The following PTPRN2 variants were observed in gnomAD, a reference collection of about 807,000 sequenced individuals.
PTPRN2 encodes protein tyrosine phosphatase receptor type N2.
Under a neutral mutation model 118.8 loss-of-function variants are expected in PTPRN2, and 74 were observed. That is an observed-to-expected ratio of 0.62 (90% CI 0.52 to 0.76). The LOEUF is 0.76. PTPRN2 is among the 30% of genes least tolerant of loss of function. PTPRN2 has a pLI of 0.00. For missense variants in PTPRN2, 1,481 were observed against 1,394.4 expected (o/e 1.06, Z -0.99); for synonymous variants, 641 against 608.0 (o/e 1.05, Z -0.80).
intron 12 of PTPRN2, chr7:157,854,702 C>G (rs1809550112): frequency 6.5e-6 from 1 of 153,906 alleles, no homozygotes; most frequent in Admixed American, 6.5e-5. Context: ...TGCCCGACCC[C>G]AGGACCCTGC....
At chr7:157,930,599 T>G (rs1799298068) in intron 11 of PTPRN2, among the ~76,000 whole-genome samples, 1 of 152,222 alleles carries the variant, frequency 6.6e-6, no homozygotes, top group Non-Finnish European at 1.5e-5. Context: ...GGCTTTCTTT[T>G]CTTTGCTTCT....
intron 12 of PTPRN2, among the ~76,000 whole-genome samples, chr7:157,731,947 GC>G (rs68070157): frequency 1.9e-5 from 1 of 51,998 alleles, no homozygotes; most frequent in Admixed American, 2.0e-4. Context: ...CCCGTCCCAT[GC>G]GCCCAGCACA....
intron 6 of PTPRN2, among the ~76,000 whole-genome samples, chr7:158,145,695 C>G (rs1221991581): frequency 2.6e-5 from 4 of 152,242 alleles, no homozygotes; most frequent in Non-Finnish European, 5.9e-5. Flanking sequence ...CACACTTTCT[C>G]AGGCCTGATT....
intron 2 of PTPRN2, among the ~76,000 whole-genome samples, chr7:158,406,860 C>T (rs572414273): frequency 6.6e-6 from 1 of 152,316 alleles, no homozygotes; most frequent in Admixed American, 6.5e-5. Context: ...TGACAGAGCT[C>T]CAGGATCACA....
chr7:158,480,081 C>T (rs549960609), intron 2 of PTPRN2, among the ~76,000 whole-genome samples: 7 of 152,322 alleles, frequency 4.6e-5, no homozygotes, highest in East Asian at 1.9e-4. Context: ...AATAAAGAGT[C>T]TGAGGAGCAC....
At chr7:157,832,071 A>G (rs1177120141) in intron 12 of PTPRN2, among the ~76,000 whole-genome samples, 1 of 152,136 alleles carries the variant, frequency 6.6e-6, no homozygotes, top group Non-Finnish European at 1.5e-5. Context: ...TTGCACAACC[A>G]TGTGATGAAT....
chr7:158,267,452 C>A (rs1797961584), intron 3 of PTPRN2, among the ~76,000 whole-genome samples: 2 of 152,168 alleles, frequency 1.3e-5, no homozygotes, highest in Admixed American at 1.3e-4. Context: ...AACGCCCAGA[C>A]CCTGCCTGCA....
chr7:157,961,904 C>T (rs1039444655), intron 11 of PTPRN2, among the ~76,000 whole-genome samples: 4 of 152,012 alleles, frequency 2.6e-5, no homozygotes, highest in African/African-American at 9.7e-5. Context: ...GACCCGGCGG[C>T]GGCCGCACCG....
In PTPRN2 at chr7:157,539,656, A is replaced by T. The variant is rs1012547180; in HGVS notation, c.*1058T>A. 1 of 151,940 alleles carries T rather than the reference A, an allele frequency of 6.6e-6. No homozygotes were observed. The highest frequency in any genetic ancestry group is 2.4e-5 in the African/African-American group (1 of 41,174). The allele number at this position is 151,940 out of a possible 1,614,324, so 9.4% of individuals were successfully genotyped here. On this transcript the variant is annotated 3_prime_UTR_variant, in exon 23 of 23. Transcript: ENST00000389418. ...GGCAGGGCCGGTCGGCTGGTTTCTC[A>T]CTTCCCTTCCAGGCTCTACGCAGTG...
At chr7:158,054,895 C>T (rs12535234) in intron 11 of PTPRN2, among the ~76,000 whole-genome samples, 33,930 of 152,134 alleles carry the variant, frequency 0.22, 3,856 homozygotes, top group Middle Eastern at 0.31. Flanking sequence ...GACTGCAGCC[C>T]GCACGCCAGT....
At chr7:158,440,935 GTGGTGGTGATGA>G (rs969448895) in intron 2 of PTPRN2, among the ~76,000 whole-genome samples, 1 of 148,992 alleles carries the variant, frequency 6.7e-6, no homozygotes, top group Admixed American at 6.6e-5. Flanking sequence ...AGTGGTGATG[GTGGTGGTGATGA>G]TGGTGATGGG....
intron 2 of PTPRN2, among the ~76,000 whole-genome samples, chr7:158,433,256 T>C (rs1006077859): frequency 6.6e-6 from 1 of 152,246 alleles, no homozygotes; most frequent in Non-Finnish European, 1.5e-5. Context: ...CTGGGAACAT[T>C]CTTAGGCCTT....
At chr7:158,275,395 C>T (rs1563076009) in intron 3 of PTPRN2, among the ~76,000 whole-genome samples, 2 of 152,168 alleles carry the variant, frequency 1.3e-5, no homozygotes, top group African/African-American at 4.8e-5. Flanking sequence ...TTCTACATTG[C>T]CTAGAGTTCG....
chr7:157,869,856 A>AT lies in PTPRN2; in HGVS notation c.1788+28816dup, dbSNP rs1322412974. On this transcript the variant is annotated intron_variant, in intron 12 of 22. Coordinates refer to ENST00000389418, the MANE Select transcript of PTPRN2 (RefSeq NM_002847.5). This position sits in a 1 kb window ranked among gnomAD's most constrained non-coding sequence, Gnocchi z 4.2. ...AACACCCACATAATAAGCAGATGTT[A>AT]TTTTTCTCTGGCCCTCCAGAAAGTC... Among the ~76,000 whole-genome samples the AT allele has an allele frequency of 6.6e-6, 1 of 152,118 alleles. No individual in the cohort carries two copies. The highest frequency in any genetic ancestry group is 6.5e-5 in the Admixed American group (1 of 15,272).
intron 3 of PTPRN2, among the ~76,000 whole-genome samples, chr7:158,240,045 G>T (rs558428961): frequency 6.6e-6 from 1 of 152,198 alleles, no homozygotes; most frequent in African/African-American, 2.4e-5. Flanking sequence ...TTAAAGGAGA[G>T]AGAGGGAGAA....
intron 2 of PTPRN2, among the ~76,000 whole-genome samples, chr7:158,386,767 C>T (rs1811417997): frequency 6.6e-6 from 1 of 152,234 alleles, no homozygotes; most frequent in Admixed American, 6.5e-5. Flanking sequence ...CCTTCACAGG[C>T]TCCTACTGCA....
At chr7:158,012,721 G>A (rs1342939184) in intron 11 of PTPRN2, among the ~76,000 whole-genome samples, 8 of 152,216 alleles carry the variant, frequency 5.3e-5, no homozygotes, top group Admixed American at 5.2e-4. Context: ...TTGGACCATG[G>A]TGTAGCATCA....
At chr7:158,206,086 G>A (rs1188460833) in intron 3 of PTPRN2, among the ~76,000 whole-genome samples, 1 of 152,164 alleles carries the variant, frequency 6.6e-6, no homozygotes, top group African/African-American at 2.4e-5. Flanking sequence ...AACCTAGTAA[G>A]GTACTAGCTG....
chr7:158,071,640 A>G (rs200262793), intron 11 of PTPRN2, among the ~76,000 whole-genome samples: 2,053 of 18,540 alleles, frequency 0.11, 11 homozygotes, highest in African/African-American at 0.14. Flanking sequence ...GGTGGTGGAG[A>G]TGCTCGTGGT....
Sources: allele counts gnomAD v4.1 joint callset (sites outside exome capture counted in the v4.1 genomes callset), GRCh38; gene constraint gnomAD v4.1.1; non-coding constraint Gnocchi (gnomAD v3.1); transcripts MANE v1.5; gene names NCBI Gene and HGNC (gene_info 2026-07-23, HGNC 2026-07-21).